The following ZNF226 variants were observed in gnomAD, a reference collection of about 807,000 sequenced individuals.
ZNF226 encodes Kruppel-associated box protein.
A neutral mutation model predicts 11.4 loss-of-function variants in ZNF226; 6 were observed. The ratio of observed to expected loss-of-function variants is 0.53; its 90% confidence interval spans 0.29 to 1.04. The LOEUF (loss-of-function observed/expected upper bound fraction) is 1.04. Ranked by LOEUF, ZNF226 falls within the 50% of genes least tolerant of loss-of-function variation. ZNF226 has a pLI of 0.08. For synonymous variants in ZNF226, 350 were observed against 322.8 expected, an observed-to-expected ratio of 1.08 and a Z score of -0.90; for missense variants, 1,058 against 956.5, an observed-to-expected ratio of 1.11 and a Z score of -1.40.
In ZNF226 at chr19:44,177,661, A is replaced by G. The variant is rs1244221134; in HGVS notation, c.2399A>G (p.Lys800Arg). Residue 800 changes from lysine to arginine, a missense_variant, in exon 6 of 6, where the codon AAA becomes AGA. Lys to Arg is a conservative substitution (Grantham distance 26). Transcript: ENST00000337433. ...KNIRESTQEK[K>R]SIK is the part of the protein sequence containing the mutation. ...ATCAGAGAATCCACACAGGAAAAAA[A>G]ATCTATAAAATGATTCTTTGTGAAG... is the stretch of plus-strand genomic sequence containing the variant. 2.5e-6 allele frequency: 4 copies of G among 1,580,092 alleles called. No homozygotes were observed. In the South Asian group the frequency reaches 4.7e-5, roughly 18 times the overall value.
Position 44,176,445 on chromosome 19 carries a change from G to A in ZNF226, c.1183G>A (p.Ala395Thr). The part of the protein sequence containing the change: ...HTGEKPFKCD[A>T]CGKSFSRNSH... ...TGGGGAGAAGCCATTCAAATGTGAT[G>A]CATGTGGTAAGAGCTTCAGTCGGAA... Residue 395 changes from alanine to threonine, a missense_variant, in exon 6 of 6, where the codon GCA becomes ACA. Coordinates refer to ENST00000337433, the MANE Select transcript of ZNF226 (RefSeq NM_001032373.2). The A allele has an allele frequency of 6.2e-7, 1 of 1,614,094 alleles. No individual in the cohort carries two copies. Among genetic ancestry groups the A allele is most frequent in the Non-Finnish European group, 8.5e-7 (1 of 1,180,000 alleles).
Position 44,175,023 on chromosome 19 carries a change from C to T in ZNF226, c.236-475C>T, listed in dbSNP as rs574154003. The T allele has an allele frequency of 1.7e-5, 27 of 1,611,420 alleles. No homozygotes were observed. The South Asian group carries it at 3.0e-4, about 18-fold the overall frequency. ...AAAGCTCTTTTGCTCTATGACCTGG[C>T]TCAAACTTAAACTTGGATTTGAAGT... On this transcript the variant is annotated intron_variant, in intron 5 of 5. Coordinates refer to ENST00000337433, the MANE Select transcript of ZNF226 (RefSeq NM_001032373.2).
the ZNF226 span, among the ~76,000 whole-genome samples, chr19:44,194,222 C>T: frequency 6.6e-6 from 1 of 152,216 alleles, no homozygotes; most frequent in Non-Finnish European, 1.5e-5. Context: ...AGACTGGAGT[C>T]CGTCATAGAT....
chr19:44,175,566 C>G lies in ZNF226; in HGVS notation c.304C>G (p.Gln102Glu). ...ATCAGAAGAAGAGCTTTCTTGTTGG[C>G]AAATCTGGCAACAAATTGCAAATGA... is the stretch of plus-strand genomic sequence containing the variant. ...RESEEELSCWQIWQQIANDLT... is the reference protein window; with the variant it reads ...RESEEELSCWEIWQQIANDLT... The change falls in exon 6 of 6, where the codon CAA becomes GAA. Residue 102 changes from glutamine (Q) to glutamate (E), a missense_variant. Transcript: ENST00000337433. The G allele has an allele frequency of 1.9e-6, 3 of 1,612,422 alleles. No homozygotes were observed. Among genetic ancestry groups the G allele is most frequent in the Non-Finnish European group, 2.5e-6 (3 of 1,179,396 alleles).
the ZNF226 span, among the ~76,000 whole-genome samples, chr19:44,193,118 A>G: frequency 6.6e-6 from 1 of 152,096 alleles, no homozygotes; most frequent in Non-Finnish European, 1.5e-5. Context: ...AAGTCACACA[A>G]ATTTTTAAAA....
chr19:44,181,969 A>G (rs1455337222), downstream of ZNF226, among the ~76,000 whole-genome samples: 1 of 152,226 alleles, frequency 6.6e-6, no homozygotes, highest in Non-Finnish European at 1.5e-5. Context: ...TTATATCAAT[A>G]GAAACCTGAG....
At chr19:44,170,716 A>AGAGC (rs1491502798) in intron 3 of ZNF226, among the ~76,000 whole-genome samples, 2 of 152,164 alleles carry the variant, frequency 1.3e-5, no homozygotes, top group Non-Finnish European at 2.9e-5. Context: ...CCAGGGTGAC[A>AGAGC]GAGCGAGACT....
the ZNF226 span, among the ~76,000 whole-genome samples, chr19:44,189,187 A>G: frequency 1.3e-5 from 2 of 152,214 alleles, no homozygotes; most frequent in Non-Finnish European, 2.9e-5. Flanking sequence ...TAGGAGTTGT[A>G]CTTCCACAGA....
At chr19:44,188,664 CATT>C in the ZNF226 span, among the ~76,000 whole-genome samples, 44 of 152,302 alleles carry the variant, frequency 2.9e-4, 1 homozygote, top group African/African-American at 1.0e-3. Context: ...GAACAACTGT[CATT>C]GTTGTATCTT....
the ZNF226 span, among the ~76,000 whole-genome samples, chr19:44,189,806 A>G: frequency 6.6e-6 from 1 of 152,230 alleles, no homozygotes; most frequent in Non-Finnish European, 1.5e-5. Context: ...TAAAGACATC[A>G]ACTTCTCATC....
chr19:44,175,424 T>C, intron 5 of ZNF226, 74 bp from the exon 6 acceptor site: 1 of 1,503,776 alleles, frequency 6.6e-7, no homozygotes, highest in Non-Finnish European at 8.8e-7. Context: ...AGTCTTTTAC[T>C]CTGTCCTCAG....
intron 5 of ZNF226, chr19:44,174,490 T>G (rs1970490957): frequency 6.6e-6 from 1 of 152,264 alleles, no homozygotes; most frequent in Non-Finnish European, 1.5e-5. Context: ...TCTTCCAAAG[T>G]CCACATTCAT....
chr19:44,192,259 T>C, the ZNF226 span, among the ~76,000 whole-genome samples: 1 of 151,998 alleles, frequency 6.6e-6, no homozygotes, highest in African/African-American at 2.4e-5. Context: ...TAGGCCACAA[T>C]AGCAGAGTCA....
At chr19:44,190,479 G>A in the ZNF226 span, among the ~76,000 whole-genome samples, 4 of 151,900 alleles carry the variant, frequency 2.6e-5, no homozygotes, top group Non-Finnish European at 5.9e-5. Flanking sequence ...GACTACAGGC[G>A]CCCGCCACCA....
At chr19:44,179,433 GTCA>G (rs1970873819), downstream of ZNF226, among the ~76,000 whole-genome samples, 1 of 152,060 alleles carries the variant, frequency 6.6e-6, no homozygotes, top group South Asian at 2.1e-4. Flanking sequence ...GAAATCTTGT[GTCA>G]TCATATAGCA....
the ZNF226 span, among the ~76,000 whole-genome samples, chr19:44,189,560 AG>A: frequency 3.5e-4 from 53 of 152,332 alleles, 1 homozygote; most frequent in South Asian, 0.011. Context: ...CAGTTGTATT[AG>A]GAATATTTTT....
chr19:44,177,638 C>CA lies in ZNF226; in HGVS notation c.2377dup (p.Arg793LysfsTer?). 6.2e-7 allele frequency: 1 copy of CA among 1,602,258 alleles called. No individual in the cohort carries two copies. The highest frequency in any genetic ancestry group is 8.5e-7 in the Non-Finnish European group (1 of 1,174,794). Reference sequence around the variant, plus strand: ...AAAGTAATAGGGGTGGTAAGAACATCAGAGAATCCACACAGGAAAAAAAAT... The same window carrying CA: ...AAAGTAATAGGGGTGGTAAGAACATCAAGAGAATCCACACAGGAAAAAAAAT... On this transcript the variant is annotated frameshift_variant, in exon 6 of 6. Coordinates refer to ENST00000337433, the MANE Select transcript of ZNF226 (RefSeq NM_001032373.2). LOFTEE classifies it high-confidence loss of function.
At chr19:44,172,822 T>TTTA (rs1708528366) in intron 4 of ZNF226, 38 bp from the exon 5 acceptor site, 2 of 1,523,866 alleles carry the variant, frequency 1.3e-6, no homozygotes, top group Non-Finnish European at 1.8e-6. Flanking sequence ...TTAACTCTAA[T>TTTA]ATGTTCATTT....
At chr19:44,178,231 TC>T (rs200128776), downstream of ZNF226, 651 of 153,628 alleles carry the variant, frequency 4.2e-3, 19 homozygotes, top group Admixed American at 0.037. Context: ...TCAAGTTGGG[TC>T]CTATCTTCCC....
Sources: gnomAD v4.1 joint callset for allele counts (sites outside exome capture counted in the v4.1 genomes callset) on GRCh38, gnomAD v4.1.1 for gene constraint, MANE v1.5 for transcripts, NCBI Gene and HGNC (gene_info 2026-07-23, HGNC 2026-07-21) for gene names.